TFDP1: variants seen among roughly 807,000 people sequenced by gnomAD.
TFDP1 encodes the protein DRTF1-polypeptide 1.
Under a neutral mutation model 48.0 loss-of-function variants are expected in TFDP1, and 6 were observed. That is an observed-to-expected ratio of 0.13 (90% CI 0.07 to 0.25). The LOEUF is 0.25. Among genes scored for constraint, TFDP1 ranks in the 10% least tolerant of loss-of-function variants. The pLI is 1.00. For missense variants in TFDP1, 335 were observed against 543.0 expected (o/e 0.62, Z 3.81); for synonymous variants, 201 against 211.6 (o/e 0.95, Z 0.44).
At chr13:113,636,420 G>A in intron 9 of TFDP1, 114 bp from the exon 10 acceptor site, 1 of 1,224,288 alleles carries the variant, frequency 8.2e-7, no homozygotes, top group East Asian at 2.3e-5. Context: ...ACTGATGACT[G>A]GGAACCGGGA....
At chr13:113,603,552 T>G (rs2048492733) in intron 2 of TFDP1, among the ~76,000 whole-genome samples, 1 of 152,242 alleles carries the variant, frequency 6.6e-6, no homozygotes, top group Non-Finnish European at 1.5e-5. Flanking sequence ...ATAGTTCTTA[T>G]TTTCAATTGA....
Position 113,627,520 on chromosome 13 carries a change from G to T in TFDP1, c.187-4103G>T, listed in dbSNP as rs2140534125. Among the ~76,000 whole-genome samples, 1 of 152,326 alleles carries T rather than the reference G, an allele frequency of 6.6e-6. No homozygotes were observed. Among genetic ancestry groups the T allele is most frequent in the Middle Eastern group, 3.4e-3 (1 of 294 alleles). On this transcript the variant is annotated intron_variant, in intron 4 of 11. Coordinates refer to ENST00000375370, the MANE Select transcript of TFDP1 (RefSeq NM_007111.5). The surrounding 1 kb of genome is among the most constrained non-coding windows in gnomAD (Gnocchi z 4.1). ...CCTTGGTCCATCTCTAGGATTCTGT[G>T]TCTGAGTGGGGTCACACTACACGGA...
At chr13:113,593,301 T>C (rs2048194277) in intron 2 of TFDP1, among the ~76,000 whole-genome samples, 1 of 137,790 alleles carries the variant, frequency 7.3e-6, no homozygotes, top group African/African-American at 2.9e-5. Context: ...CCTGTCCAGG[T>C]GACAGGTGTG....
chr13:113,625,461 C>T (rs1594506983), intron 4 of TFDP1, among the ~76,000 whole-genome samples: 2 of 99,332 alleles, frequency 2.0e-5, no homozygotes, highest in Non-Finnish European at 3.7e-5. Context: ...GTGTCTCTCA[C>T]GTGTCCTCAG....
intron 2 of TFDP1, among the ~76,000 whole-genome samples, chr13:113,595,125 G>A (rs2048255010): frequency 6.6e-6 from 1 of 152,064 alleles, no homozygotes; most frequent in Non-Finnish European, 1.5e-5. Context: ...TTGGGGAGTC[G>A]TAGATGGTCA....
chr13:113,615,246 TTG>T (rs1451752847), intron 3 of TFDP1, among the ~76,000 whole-genome samples: 2 of 151,294 alleles, frequency 1.3e-5, no homozygotes, highest in Admixed American at 6.6e-5. Flanking sequence ...CACACACACT[TTG>T]TGTGTCTGGC....
chr13:113,637,553 CA>C, intron 10 of TFDP1: 1 of 1,436,564 alleles, frequency 7.0e-7, no homozygotes, highest in Non-Finnish European at 9.2e-7. Context: ...GAGGCAGCAG[CA>C]CACGTGTGCC....
intron 4 of TFDP1, among the ~76,000 whole-genome samples, chr13:113,625,964 G>T (rs996771160): frequency 7.1e-6 from 1 of 141,204 alleles, no homozygotes; most frequent in Admixed American, 7.1e-5. Flanking sequence ...GTGTCCTCAG[G>T]CGTCTCTCAC....
Position 113,605,906 on chromosome 13 carries a change from C to T in TFDP1, c.13-5090C>T, listed in dbSNP as rs756030163. Among the ~76,000 whole-genome samples the T allele has an allele frequency of 7.2e-5, 10 of 138,844 alleles. 1 individual carries two copies. Among genetic ancestry groups the T allele is most frequent in the African/African-American group, 1.8e-4 (6 of 32,720 alleles). 91.1% of individuals were successfully genotyped at this position (138,844 alleles called of 152,430 possible). On this transcript the variant is annotated intron_variant, in intron 2 of 11. Coordinates refer to ENST00000375370, the MANE Select transcript of TFDP1 (RefSeq NM_007111.5). ...GCGGTGATGAGTGTCCAAGGCGGCG[C>T]GGTGATGAGTGTCCATAGGGGATCC... is the stretch of plus-strand genomic sequence containing the variant.
At chr13:113,595,885 A>C (rs935465986) in intron 2 of TFDP1, among the ~76,000 whole-genome samples, 3 of 152,226 alleles carry the variant, frequency 2.0e-5, no homozygotes, top group Non-Finnish European at 4.4e-5. Flanking sequence ...TATCGAGACC[A>C]TCCTGGCTAA....
In TFDP1 at chr13:113,640,145, A is replaced by T. The variant is rs767558460; in HGVS notation, c.1111A>T (p.Met371Leu). ...TGACCTGACCAACGGTGCAGATGGG[A>T]TGCTGGCCACAAGCTCCAATGGGTC... is the stretch of plus-strand genomic sequence containing the variant. Reference protein sequence around the residue: ...ASDLTNGADGMLATSSNGSQY... With the variant: ...ASDLTNGADGLLATSSNGSQY... The change falls in exon 12 of 12, where the codon ATG (methionine) becomes TTG (leucine). Residue 371 changes from methionine to leucine, a missense_variant. Transcript: ENST00000375370. The T allele has an allele frequency of 1.1e-5, 18 of 1,611,464 alleles. No homozygotes were observed. Among genetic ancestry groups the T allele is most frequent in the Non-Finnish European group, 1.4e-5 (17 of 1,179,194 alleles).
chr13:113,615,616 C>T (rs552754610), intron 3 of TFDP1, among the ~76,000 whole-genome samples: 42 of 152,300 alleles, frequency 2.8e-4, no homozygotes, highest in South Asian at 6.2e-4. Context: ...CTGTTCCACA[C>T]GTTTAGGCCA....
intron 3 of TFDP1, among the ~76,000 whole-genome samples, chr13:113,614,271 T>TTG (rs965394967): frequency 5.9e-5 from 9 of 151,792 alleles, no homozygotes; most frequent in African/African-American, 1.5e-4. Context: ...TGTGTGTGAG[T>TTG]TGTGTGTGTG....
chr13:113,608,034 G>C (rs1323619973), intron 2 of TFDP1, among the ~76,000 whole-genome samples: 1 of 152,216 alleles, frequency 6.6e-6, no homozygotes, highest in Non-Finnish European at 1.5e-5. Flanking sequence ...ACAGTGGCTG[G>C]GCAAGGCCCG....
chr13:113,634,150 G>A (rs766898737), intron 7 of TFDP1, 117 bp downstream of exon 7: 13 of 1,447,978 alleles, frequency 9.0e-6, no homozygotes, highest in African/African-American at 5.6e-5. Flanking sequence ...GTGTCCGGCT[G>A]GCAGACGGTC....
chr13:113,618,178 T>C (rs981266884), intron 3 of TFDP1, among the ~76,000 whole-genome samples: 1 of 152,214 alleles, frequency 6.6e-6, no homozygotes, highest in African/African-American at 2.4e-5. Context: ...GTGGCAGTCT[T>C]ATCAAGAAAA....
chr13:113,586,779 C>T (rs530530886), intron 2 of TFDP1, among the ~76,000 whole-genome samples: 1 of 152,356 alleles, frequency 6.6e-6, no homozygotes, highest in Admixed American at 6.5e-5. Flanking sequence ...TGTCACACGG[C>T]ATCCCTGCCT....
At chr13:113,588,951 T>C (rs2048074258) in intron 2 of TFDP1, among the ~76,000 whole-genome samples, 1 of 143,936 alleles carries the variant, frequency 6.9e-6, no homozygotes, top group African/African-American at 2.6e-5. Flanking sequence ...GGGTGGAGAG[T>C]GAGTGATGGT....
intron 10 of TFDP1, chr13:113,637,103 G>A (rs1419135414): frequency 1.6e-5 from 3 of 183,686 alleles, no homozygotes; most frequent in East Asian, 1.5e-4. Flanking sequence ...CCAAGAAAAA[G>A]CATTTCAGAG....
Sources: allele counts gnomAD v4.1 joint callset (sites outside exome capture counted in the v4.1 genomes callset), GRCh38; gene constraint gnomAD v4.1.1; non-coding constraint Gnocchi (gnomAD v3.1); transcripts MANE v1.5; gene names NCBI Gene and HGNC (gene_info 2026-07-23, HGNC 2026-07-21).